Variants in SLIT2 observed in about 807,000 individuals in gnomAD.
SLIT2 encodes slit homolog 2 protein.
A neutral mutation model predicts 185.7 loss-of-function variants in SLIT2; 41 were observed. The ratio of observed to expected loss-of-function variants is 0.22; its 90% CI spans 0.17 to 0.29. The LOEUF (loss-of-function observed/expected upper bound fraction) is 0.29, where lower values mean the gene tolerates loss of function less well. SLIT2 is among the 10% of genes least tolerant of loss of function. SLIT2 has a pLI of 1.00. For missense variants in SLIT2, 1,571 were observed against 1,909.0 expected, an observed-to-expected ratio of 0.82 and a Z score of 3.30; for synonymous variants, 693 against 680.2, an observed-to-expected ratio of 1.02 and a Z score of -0.29.
chr4:20,517,266 A>C (rs1035033663), intron 11 of SLIT2, among the ~76,000 whole-genome samples: 1 of 152,220 alleles, frequency 6.6e-6, no homozygotes, highest in Non-Finnish European at 1.5e-5. Context: ...GATGATGGGC[A>C]TTCAAAAATG....
intron 4 of SLIT2, among the ~76,000 whole-genome samples, chr4:20,270,162 A>G (rs1713457583): frequency 1.3e-5 from 2 of 152,002 alleles, no homozygotes; most frequent in Non-Finnish European, 2.9e-5. Context: ...GTTTGCTATA[A>G]AGATTATAGG....
At chr4:20,385,839 C>T (rs186657741) in intron 4 of SLIT2, among the ~76,000 whole-genome samples, 39 of 152,128 alleles carry the variant, frequency 2.6e-4, no homozygotes, top group South Asian at 8.3e-4. Flanking sequence ...AGAAATAAAA[C>T]CATACAGTTT....
At chr4:20,291,316 T>A (rs115417725) in intron 4 of SLIT2, among the ~76,000 whole-genome samples, 381 of 151,560 alleles carry the variant, frequency 2.5e-3, no homozygotes, top group African/African-American at 8.2e-3. Flanking sequence ...GTTAATCTAC[T>A]TTTTAGTGAT....
At chr4:20,482,609 T>A (rs974500007) in intron 6 of SLIT2, among the ~76,000 whole-genome samples, 1 of 151,918 alleles carries the variant, frequency 6.6e-6, no homozygotes, top group East Asian at 1.9e-4. Flanking sequence ...CACCAAAGGG[T>A]GACATTTTAT....
intron 4 of SLIT2, among the ~76,000 whole-genome samples, chr4:20,297,738 A>G (rs939668535): frequency 1.3e-5 from 2 of 152,112 alleles, no homozygotes; most frequent in African/African-American, 2.4e-5. Context: ...AAATCATGGC[A>G]TTTTCCTTCC....
intron 29 of SLIT2, among the ~76,000 whole-genome samples, chr4:20,580,046 A>G (rs1299086881): frequency 1.5e-5 from 2 of 131,650 alleles, no homozygotes; most frequent in Admixed American, 1.9e-4. Flanking sequence ...TTATGTATAT[A>G]TTATATATTA....
At chr4:20,307,090 C>T (rs576773084) in intron 4 of SLIT2, among the ~76,000 whole-genome samples, 26 of 142,196 alleles carry the variant, frequency 1.8e-4, no homozygotes, top group African/African-American at 4.9e-4. Context: ...TCCCTCCACC[C>T]GCTCTATTTC....
chr4:20,476,727 C>A (rs906219993), intron 5 of SLIT2, among the ~76,000 whole-genome samples: 2 of 151,930 alleles, frequency 1.3e-5, no homozygotes, highest in African/African-American at 4.8e-5. Flanking sequence ...TAGTTATTAA[C>A]CTAAGTGTTG....
intron 4 of SLIT2, chr4:20,364,307 G>A: frequency 2.0e-6 from 2 of 981,766 alleles, no homozygotes; most frequent in Non-Finnish European, 2.4e-6. Flanking sequence ...TTCAATAATG[G>A]TTCAAGTAAT....
intron 4 of SLIT2, among the ~76,000 whole-genome samples, chr4:20,370,287 C>A (rs1314192938): frequency 6.6e-6 from 1 of 152,070 alleles, no homozygotes; most frequent in Non-Finnish European, 1.5e-5. Context: ...CTCAAAAATT[C>A]TGTTTTGAAA....
At chr4:20,486,432 T>C (rs1457229950) in intron 7 of SLIT2, among the ~76,000 whole-genome samples, 161 bp downstream of exon 7, 1 of 152,140 alleles carries the variant, frequency 6.6e-6, no homozygotes, top group Non-Finnish European at 1.5e-5. Flanking sequence ...GAATGAGCTA[T>C]TATTCTAGAA....
intron 4 of SLIT2, among the ~76,000 whole-genome samples, chr4:20,456,262 A>G (rs1046253157): frequency 6.6e-6 from 1 of 151,862 alleles, no homozygotes; most frequent in Admixed American, 6.6e-5. Flanking sequence ...TCCCAACACA[A>G]CCTCTTTTTT....
intron 4 of SLIT2, among the ~76,000 whole-genome samples, chr4:20,407,743 T>A (rs935469167): frequency 9.9e-5 from 15 of 152,196 alleles, no homozygotes; most frequent in African/African-American, 1.4e-4. Context: ...ATATGAGATG[T>A]CTCAGGCTTT....
At chr4:20,549,032 C>G in intron 23 of SLIT2, 25 bp from the exon 24 acceptor site, 1 of 1,455,438 alleles carries the variant, frequency 6.9e-7, no homozygotes, top group Non-Finnish European at 9.6e-7. Context: ...CTGAATAAAA[C>G]AAATTGACAT....
chr4:20,410,418 T>A (rs1250045266), intron 4 of SLIT2, among the ~76,000 whole-genome samples: 1 of 150,750 alleles, frequency 6.6e-6, no homozygotes, highest in Non-Finnish European at 1.5e-5. Context: ...CCAGCTAATT[T>A]TTTTTTTTTG....
intron 4 of SLIT2, among the ~76,000 whole-genome samples, chr4:20,407,573 A>G (rs1406831065): frequency 2.0e-5 from 3 of 152,112 alleles, no homozygotes; most frequent in Non-Finnish European, 4.4e-5. Flanking sequence ...TTGACTTTGG[A>G]GTCTCAGTAG....
At chr4:20,523,223 C>T (rs1169479744) in intron 12 of SLIT2, among the ~76,000 whole-genome samples, 1 of 152,104 alleles carries the variant, frequency 6.6e-6, no homozygotes, top group East Asian at 1.9e-4. Context: ...GGGAAGATTG[C>T]AGAGTTCTGA....
intron 18 of SLIT2, among the ~76,000 whole-genome samples, chr4:20,538,649 A>G (rs1421697276): frequency 5.3e-5 from 8 of 152,130 alleles, no homozygotes; most frequent in Admixed American, 2.6e-4. Flanking sequence ...CTATTTTCAC[A>G]TGGGACTTTG....
At position 20,253,983 on chromosome 4, in the gene SLIT2, C is replaced by A; in HGVS notation, c.168C>A (p.Asn56Lys). 2 of 1,602,770 alleles carry A rather than the reference C, an allele frequency of 1.2e-6. No homozygotes were observed. Among genetic ancestry groups the A allele is most frequent in the Non-Finnish European group, 1.7e-6 (2 of 1,179,434 alleles). ...LRSVPRNIPR[N>K]TERLDLNGNN... ...GCGTGCCCAGGAATATCCCCCGCAA[C>A]ACCGAGAGACTGTGAGTATGCGCTC... is the stretch of plus-strand genomic sequence containing the variant. The change falls in exon 1 of 37, where the codon AAC becomes AAA. Residue 56 changes from asparagine to lysine, a missense_variant. By Grantham distance (94) the Asn-to-Lys change is moderately conservative (BLOSUM62 0). Around this residue, in one of 3 missense-constraint regions of SLIT2, gnomAD observed 1,202 missense variants for 1,416.4 expected, o/e 0.85. Transcript: ENST00000504154.
Sources: gnomAD v4.1 joint callset for allele counts (sites outside exome capture counted in the v4.1 genomes callset) on GRCh38, gnomAD v4.1.1 for gene constraint, gnomAD v4.1.1 regional missense constraint, MANE v1.5 for transcripts, NCBI Gene and HGNC (gene_info 2026-07-23, HGNC 2026-07-21) for gene names.